The following XKR4 variants were observed in gnomAD, a reference collection of about 807,000 sequenced individuals.
XKR4 encodes XK-related protein 4.
A neutral mutation model predicts 53.9 loss-of-function variants in XKR4; 12 were observed. That is an observed-to-expected ratio of 0.22 (90% confidence interval 0.14 to 0.36). The LOEUF (loss-of-function observed/expected upper bound fraction) is 0.36, where lower values mean the gene tolerates loss of function less well. Among genes scored for constraint, XKR4 ranks in the 10% least tolerant of loss-of-function variants. The pLI is 1.00. For synonymous variants in XKR4, 354 were observed against 362.4 expected (o/e 0.98, Z 0.26); for missense variants, 799 against 859.5 (o/e 0.93, Z 0.88).
At chr8:55,455,902 T>G (rs1208349293) in intron 2 of XKR4, among the ~76,000 whole-genome samples, 3 of 152,180 alleles carry the variant, frequency 2.0e-5, no homozygotes, top group Non-Finnish European at 2.9e-5. Flanking sequence ...CTCTGAGTTA[T>G]GCAGACAAAG....
intron 1 of XKR4, among the ~76,000 whole-genome samples, chr8:55,182,437 T>A (rs1437613740): frequency 6.6e-6 from 1 of 152,208 alleles, no homozygotes; most frequent in Non-Finnish European, 1.5e-5. Context: ...CATAGTTTTA[T>A]GTTTTAGATT....
intron 2 of XKR4, among the ~76,000 whole-genome samples, chr8:55,436,223 T>C (rs1298651790): frequency 2.6e-5 from 4 of 152,164 alleles, no homozygotes; most frequent in Non-Finnish European, 5.9e-5. Context: ...TTCCCACAAA[T>C]GCCTAGGTGC....
intron 1 of XKR4, among the ~76,000 whole-genome samples, chr8:55,210,949 T>C (rs1196829170): frequency 1.3e-5 from 2 of 152,202 alleles, no homozygotes; most frequent in Non-Finnish European, 1.5e-5. Flanking sequence ...ACTGCACATA[T>C]GTCAGGGGAT....
intron 2 of XKR4, among the ~76,000 whole-genome samples, chr8:55,428,361 A>C (rs572743543): frequency 2.6e-5 from 4 of 152,284 alleles, no homozygotes; most frequent in South Asian, 2.1e-4. Context: ...AAAAGCCCCC[A>C]AAAAGCCTGC....
chr8:55,131,131 C>T (rs1341290790), intron 1 of XKR4, among the ~76,000 whole-genome samples: 1 of 146,170 alleles, frequency 6.8e-6, no homozygotes, highest in African/African-American at 2.5e-5. Context: ...TGCACTCCAG[C>T]CTGGGCAACA....
chr8:55,409,492 G>A (rs898662524), intron 2 of XKR4, among the ~76,000 whole-genome samples: 61 of 152,286 alleles, frequency 4.0e-4, no homozygotes, highest in African/African-American at 1.4e-3. Context: ...GTAAGAATCT[G>A]TAAGTGGTAA....
At chr8:55,292,441 A>G (rs763377263) in intron 1 of XKR4, among the ~76,000 whole-genome samples, 2 of 151,996 alleles carry the variant, frequency 1.3e-5, no homozygotes, top group Admixed American at 6.6e-5. Context: ...ATATGTACAG[A>G]ATTGTTCATA....
intron 2 of XKR4, among the ~76,000 whole-genome samples, chr8:55,433,377 A>C (rs1355297401): frequency 6.6e-6 from 1 of 152,262 alleles, no homozygotes; most frequent in Non-Finnish European, 1.5e-5. Flanking sequence ...TCTGTGCATT[A>C]TAATTGTGAC....
intron 1 of XKR4, among the ~76,000 whole-genome samples, chr8:55,314,616 A>C (rs12375398): frequency 7.2e-5 from 11 of 152,090 alleles, no homozygotes; most frequent in African/African-American, 2.7e-4. Flanking sequence ...TTTCTTTAAG[A>C]GTTAGAATTT....
At chr8:55,216,553 C>A (rs946962796) in intron 1 of XKR4, among the ~76,000 whole-genome samples, 1 of 151,914 alleles carries the variant, frequency 6.6e-6, no homozygotes, top group African/African-American at 2.4e-5. Context: ...CATGGAGAAA[C>A]CCCATCTCTA....
chr8:55,296,669 C>G (rs972986798), intron 1 of XKR4, among the ~76,000 whole-genome samples: 1 of 151,976 alleles, frequency 6.6e-6, no homozygotes, highest in Non-Finnish European at 1.5e-5. Flanking sequence ...TAGTTGAGCT[C>G]CTGTTGAGAT....
At chr8:55,443,083 G>A (rs1805293558) in intron 2 of XKR4, among the ~76,000 whole-genome samples, 1 of 152,132 alleles carries the variant, frequency 6.6e-6, no homozygotes, top group Non-Finnish European at 1.5e-5. Flanking sequence ...AACTTTAACA[G>A]ACTTTTTATA....
intron 1 of XKR4, among the ~76,000 whole-genome samples, chr8:55,235,761 AG>A (rs2129367531): frequency 6.6e-6 from 1 of 152,288 alleles, no homozygotes; most frequent in African/African-American, 2.4e-5. Context: ...AAGCCAAACC[AG>A]TGCCCAGCCT....
At chr8:55,117,345 A>G (rs16921149) in intron 1 of XKR4, among the ~76,000 whole-genome samples, 5,968 of 152,314 alleles carry the variant, frequency 0.039, 211 homozygotes, top group African/African-American at 0.092. Context: ...TGGATTTTGC[A>G]AATAAGATTA....
At chr8:55,241,308 T>C (rs995641309) in intron 1 of XKR4, among the ~76,000 whole-genome samples, 19 of 152,358 alleles carry the variant, frequency 1.2e-4, no homozygotes, top group African/African-American at 4.6e-4. Flanking sequence ...CTCAGTGTTT[T>C]TTCTGCCCTA....
chr8:55,430,114 G>T (rs970750042), intron 2 of XKR4, among the ~76,000 whole-genome samples: 1 of 152,122 alleles, frequency 6.6e-6, no homozygotes, highest in African/African-American at 2.4e-5. Context: ...TATTATAATG[G>T]TTAAAATAAA....
At chr8:55,302,439 A>T (rs1467322959) in intron 1 of XKR4, among the ~76,000 whole-genome samples, 1 of 151,404 alleles carries the variant, frequency 6.6e-6, no homozygotes, top group Non-Finnish European at 1.5e-5. Context: ...TGATGCCTCC[A>T]GCTTTGTTCT....
At chr8:55,160,740 C>T (rs1170182236) in intron 1 of XKR4, among the ~76,000 whole-genome samples, 1 of 152,194 alleles carries the variant, frequency 6.6e-6, no homozygotes, top group Non-Finnish European at 1.5e-5. Flanking sequence ...AGGGCAGATT[C>T]ATGTGGCTCA....
intron 1 of XKR4, among the ~76,000 whole-genome samples, chr8:55,256,723 T>C (rs991887330): frequency 1.3e-5 from 2 of 152,120 alleles, no homozygotes; most frequent in Admixed American, 6.5e-5. Context: ...AAAGGTAAGA[T>C]TTAAAATAGA....
Sources: allele counts gnomAD v4.1 joint callset (sites outside exome capture counted in the v4.1 genomes callset), GRCh38; gene constraint gnomAD v4.1.1; transcripts MANE v1.5; gene names NCBI Gene and HGNC (gene_info 2026-07-23, HGNC 2026-07-21).